The following IMPG1 variants were observed in gnomAD, a reference collection of about 807,000 sequenced individuals.
IMPG1 encodes the protein interphotoreceptor matrix proteoglycan of 150 kDa.
A neutral mutation model predicts 92.0 loss-of-function variants in IMPG1; 85 were observed. That is an observed-to-expected ratio of 0.92 (90% CI 0.78 to 1.11). The LOEUF (loss-of-function observed/expected upper bound fraction) is 1.11. IMPG1 is among the 50% of genes least tolerant of loss of function. IMPG1 has a pLI of 0.00. For missense variants in IMPG1, 1,022 were observed against 956.0 expected (o/e 1.07, Z -0.91); for synonymous variants, 367 against 334.1 (o/e 1.10, Z -1.08).
rs1169030839 is a variant in IMPG1 at position 76,021,798 on chromosome 6, T to TATATATATATATATATATATATATAC, written c.666+317_666+318insGTATATATATATATATATATATATAT. ...GAGAGCATATATATATATATATATA[T>TATATATATATATATATATATATATAC]ATATGGTTTTGTTATATATATATAT... On this transcript the variant is annotated intron_variant, in intron 6 of 16. Transcript: ENST00000369950. Among the ~76,000 whole-genome samples the TATATATATATATATATATATATATAC allele has an allele frequency of 3.6e-5, 5 of 140,722 alleles. 1 individual carries two copies. Among genetic ancestry groups the TATATATATATATATATATATATATAC allele is most frequent in the African/African-American group, 1.3e-4 (5 of 38,440 alleles). 92.3% of individuals were successfully genotyped at this position (140,722 alleles called of 152,430 possible). A position where few individuals can be genotyped will look rare whatever the true frequency, so the allele number is the denominator to read the frequency against.
intron 13 of IMPG1, among the ~76,000 whole-genome samples, chr6:75,948,466 T>G (rs1009278070): frequency 1.3e-5 from 2 of 152,146 alleles, no homozygotes; most frequent in Non-Finnish European, 2.9e-5. Context: ...TATTTGCCCC[T>G]GTCCCCACCC....
chr6:75,945,349 T>TA (rs1781907520), intron 14 of IMPG1, among the ~76,000 whole-genome samples: 1 of 147,176 alleles, frequency 6.8e-6, no homozygotes, highest in Non-Finnish European at 1.5e-5. Flanking sequence ...TCTTCTCTTT[T>TA]TTTTTTTTCT....
chr6:76,064,734 C>T (rs552374767), intron 1 of IMPG1, among the ~76,000 whole-genome samples: 1 of 152,266 alleles, frequency 6.6e-6, no homozygotes, highest in Admixed American at 6.5e-5. Flanking sequence ...AATGGAGAAC[C>T]TCTCCTGGTA....
chr6:76,012,710 G>A (rs1478951246), intron 7 of IMPG1, among the ~76,000 whole-genome samples: 2 of 152,140 alleles, frequency 1.3e-5, no homozygotes, highest in African/African-American at 4.8e-5. Flanking sequence ...TCCTATCCTT[G>A]TCCCCGGGGG....
intron 4 of IMPG1, among the ~76,000 whole-genome samples, chr6:76,025,663 T>A (rs1465245847): frequency 6.6e-6 from 1 of 152,204 alleles, no homozygotes; most frequent in Non-Finnish European, 1.5e-5. Context: ...CAAGCCTGCA[T>A]ATCCAGAGTC....
rs761247695 is a variant in IMPG1 at position 76,042,042 on chromosome 6, AT to A, written c.151del (p.Met51CysfsTer7). On this transcript the variant is annotated frameshift_variant, in exon 2 of 17. Transcript: ENST00000369950. LOFTEE classifies it high-confidence loss of function. ...TCGTCTCATAGTTGACATTTTGTAC[AT>A]TTTTTCAGTACTTTCAGTTGTTTCA... ...RNETTESTEK[M>X]YKMSTMRRIF... 2 of 1,612,176 alleles carry A rather than the reference AT, an allele frequency of 1.2e-6. No homozygotes were observed. The highest frequency in any genetic ancestry group is 1.3e-5 in the African/African-American group (1 of 74,852).
chr6:76,060,217 T>C (rs1237594861), intron 1 of IMPG1, among the ~76,000 whole-genome samples: 2 of 152,194 alleles, frequency 1.3e-5, no homozygotes, highest in Non-Finnish European at 2.9e-5. Flanking sequence ...AAAGACATTG[T>C]TTCCTCAAGA....
intron 7 of IMPG1, among the ~76,000 whole-genome samples, chr6:76,012,889 C>T (rs1462164613): frequency 2.0e-5 from 3 of 152,138 alleles, no homozygotes; most frequent in East Asian, 1.9e-4. Flanking sequence ...GGTCATGAAC[C>T]CCGACTGTCT....
At chr6:76,023,845 C>T (rs926641867) in intron 5 of IMPG1, among the ~76,000 whole-genome samples, 4 of 152,128 alleles carry the variant, frequency 2.6e-5, no homozygotes, top group South Asian at 2.1e-4. Flanking sequence ...TTTCTATCAG[C>T]TAAAGTACAT....
At chr6:76,048,018 A>G (rs1783974811) in intron 1 of IMPG1, among the ~76,000 whole-genome samples, 1 of 152,210 alleles carries the variant, frequency 6.6e-6, no homozygotes, top group Admixed American at 6.5e-5. Context: ...CAATCTTTCC[A>G]TAAGTAAATA....
chr6:75,937,446 A>C (rs1316574333), intron 14 of IMPG1, among the ~76,000 whole-genome samples: 1 of 151,798 alleles, frequency 6.6e-6, no homozygotes, highest in African/African-American at 2.4e-5. Context: ...TTTGTAAAGA[A>C]GTTATAGGGT....
chr6:76,017,928 T>A (rs1783320968), intron 7 of IMPG1, among the ~76,000 whole-genome samples: 1 of 152,042 alleles, frequency 6.6e-6, no homozygotes, highest in African/African-American at 2.4e-5. Flanking sequence ...AATTTTTGTA[T>A]TTTTAGTAGA....
At chr6:76,043,546 T>C (rs1313841257) in intron 1 of IMPG1, among the ~76,000 whole-genome samples, 1 of 152,130 alleles carries the variant, frequency 6.6e-6, no homozygotes, top group African/African-American at 2.4e-5. Flanking sequence ...AATTTATAGA[T>C]TAATTGGCTC....
intron 1 of IMPG1, among the ~76,000 whole-genome samples, chr6:76,071,573 C>A (rs1784403880): frequency 6.6e-6 from 1 of 151,872 alleles, no homozygotes; most frequent in African/African-American, 2.4e-5. Context: ...TATTTTGTGA[C>A]TTACACATGC....
At chr6:76,069,046 A>G (rs1784360802) in intron 1 of IMPG1, among the ~76,000 whole-genome samples, 1 of 152,140 alleles carries the variant, frequency 6.6e-6, no homozygotes, top group Non-Finnish European at 1.5e-5. Context: ...ATATATATAG[A>G]ATGGAACAGA....
chr6:75,953,074 A>T (rs1287816433), intron 12 of IMPG1, among the ~76,000 whole-genome samples: 39 of 152,192 alleles, frequency 2.6e-4, no homozygotes, highest in Non-Finnish European at 8.8e-5. Context: ...CTGTGTTCTT[A>T]TGATGTGATC....
chr6:75,932,714 T>G (rs1781684907), intron 14 of IMPG1, among the ~76,000 whole-genome samples: 1 of 152,210 alleles, frequency 6.6e-6, no homozygotes, highest in Non-Finnish European at 1.5e-5. Context: ...TTCCTTTTTT[T>G]TTTGAGATGG....
At chr6:75,968,455 T>C (rs1782347420) in intron 12 of IMPG1, among the ~76,000 whole-genome samples, 3 of 151,460 alleles carry the variant, frequency 2.0e-5, no homozygotes, top group Admixed American at 2.0e-4. Flanking sequence ...AAAATTCTAC[T>C]TTTGTGAAGA....
intron 16 of IMPG1, 77 bp from the exon 17 acceptor site, chr6:75,922,243 C>G: frequency 1.5e-6 from 1 of 649,036 alleles, no homozygotes; most frequent in Admixed American, 2.6e-5. Context: ...ATATTACTGC[C>G]ACTGGTAGAT....
Sources: allele counts gnomAD v4.1 joint callset (sites outside exome capture counted in the v4.1 genomes callset), GRCh38; gene constraint gnomAD v4.1.1; transcripts MANE v1.5; gene names NCBI Gene and HGNC (gene_info 2026-07-23, HGNC 2026-07-21).